The following RBM20 variants were observed in gnomAD, a reference collection of about 807,000 sequenced individuals.
RBM20 encodes RNA binding motif protein 20.
In RBM20, 51 loss-of-function variants were observed where a neutral mutation model predicts 110.1. The observed-to-expected ratio is 0.46, with a 90% CI of 0.37 to 0.59. The LOEUF is 0.59. Ranked by LOEUF, RBM20 falls within the 20% of genes least tolerant of loss-of-function variation. The pLI is 0.00. For synonymous variants in RBM20, 589 were observed against 618.2 expected, an observed-to-expected ratio of 0.95 and a Z score of 0.70; for missense variants, 1,512 against 1,574.9, an observed-to-expected ratio of 0.96 and a Z score of 0.68.
rs546662685 is a variant in RBM20, at chr10:110,652,572, G to A, written c.191+7927G>A. Among the ~76,000 whole-genome samples, 4 of 152,296 alleles carry A rather than the reference G, an allele frequency of 2.6e-5. No homozygotes were observed. The East Asian group carries it at 7.7e-4, about 29-fold the overall frequency. The stretch of plus-strand genomic sequence containing the variant: ...GGTATTGCACTGTCTTGAAGACTGA[G>A]CTGCCCTTTAGCATCTTACATTTTA... On this transcript the variant is annotated intron_variant, in intron 1 of 13. Coordinates refer to ENST00000369519, the MANE Select transcript of RBM20 (RefSeq NM_001134363.3).
intron 1 of RBM20, among the ~76,000 whole-genome samples, chr10:110,721,872 G>A (rs1311142028): frequency 6.6e-6 from 1 of 152,120 alleles, no homozygotes; most frequent in Non-Finnish European, 1.5e-5. Context: ...TGCAGAGCAG[G>A]CAGTCTCTGG....
intron 12 of RBM20, among the ~76,000 whole-genome samples, chr10:110,830,398 G>A (rs182888996): frequency 6.6e-6 from 1 of 152,166 alleles, no homozygotes; most frequent in Non-Finnish European, 1.5e-5. Flanking sequence ...GCTAATTGAT[G>A]GTTCGGATGT....
intron 5 of RBM20, among the ~76,000 whole-genome samples, chr10:110,795,739 T>C (rs1307984818): frequency 2.0e-5 from 3 of 152,210 alleles, no homozygotes; most frequent in African/African-American, 7.2e-5. Context: ...TATCCTTCTC[T>C]TCCACATTGG....
chr10:110,833,092 T>G (rs1280942688), intron 13 of RBM20, among the ~76,000 whole-genome samples: 1 of 152,090 alleles, frequency 6.6e-6, no homozygotes, highest in Non-Finnish European at 1.5e-5. Context: ...GGCATCTTTT[T>G]GAAATGCAGC....
At chr10:110,770,626 A>G (rs143785967) in intron 1 of RBM20, among the ~76,000 whole-genome samples, 9 of 152,358 alleles carry the variant, frequency 5.9e-5, no homozygotes, top group East Asian at 5.8e-4. Flanking sequence ...GTCTAGGTTA[A>G]TTGTCAGGCA....
intron 1 of RBM20, among the ~76,000 whole-genome samples, chr10:110,678,212 CACAAA>C (rs1215394629): frequency 2.6e-5 from 4 of 152,154 alleles, no homozygotes; most frequent in Non-Finnish European, 4.4e-5. Flanking sequence ...AGTTTATCCA[CACAAA>C]ACAAATCCCT....
At chr10:110,800,985 A>G (rs141695542) in intron 7 of RBM20, among the ~76,000 whole-genome samples, 1 of 152,326 alleles carries the variant, frequency 6.6e-6, no homozygotes, top group African/African-American at 2.4e-5. Context: ...TCATCCTGGT[A>G]TATATGCACT....
At chr10:110,647,948 A>G (rs986001840) in intron 1 of RBM20, among the ~76,000 whole-genome samples, 1 of 152,212 alleles carries the variant, frequency 6.6e-6, no homozygotes, top group Admixed American at 6.5e-5. Context: ...CCATGGAGGA[A>G]AGAAACCAAA....
intron 1 of RBM20, among the ~76,000 whole-genome samples, chr10:110,679,670 C>T (rs1862393872): frequency 1.3e-5 from 2 of 152,196 alleles, no homozygotes; most frequent in South Asian, 2.1e-4. Flanking sequence ...AAGGGCTTTG[C>T]GAGCCCCTGG....
chr10:110,664,397 G>A (rs1440199246), intron 1 of RBM20, among the ~76,000 whole-genome samples: 4 of 152,172 alleles, frequency 2.6e-5, no homozygotes, highest in Non-Finnish European at 5.9e-5. Flanking sequence ...AATAACTATA[G>A]TGGATTTACA....
intron 1 of RBM20, among the ~76,000 whole-genome samples, chr10:110,715,524 A>C (rs1038397686): frequency 2.0e-5 from 3 of 152,234 alleles, no homozygotes; most frequent in African/African-American, 7.2e-5. Context: ...CCACTAGACT[A>C]AAGTCTTTTT....
At chr10:110,655,147 A>G (rs1009304077) in intron 1 of RBM20, among the ~76,000 whole-genome samples, 2 of 152,212 alleles carry the variant, frequency 1.3e-5, no homozygotes, top group Admixed American at 6.5e-5. Flanking sequence ...TAATTTATAG[A>G]AAATCCATCA....
At chr10:110,732,530 G>C (rs10509929) in intron 1 of RBM20, among the ~76,000 whole-genome samples, 22,663 of 152,090 alleles carry the variant, frequency 0.15, 2,205 homozygotes, top group East Asian at 0.27. Context: ...CCAGCAGTTA[G>C]GGTTCATTCT....
At chr10:110,741,863 C>T (rs568383393) in intron 1 of RBM20, among the ~76,000 whole-genome samples, 1 of 152,260 alleles carries the variant, frequency 6.6e-6, no homozygotes, top group South Asian at 2.1e-4. Context: ...CAGGATCCTG[C>T]TCCTCTAGAA....
At chr10:110,808,176 C>A (rs912840106) in intron 7 of RBM20, among the ~76,000 whole-genome samples, 5 of 152,256 alleles carry the variant, frequency 3.3e-5, no homozygotes, top group African/African-American at 7.2e-5. Flanking sequence ...GTGCAGTCAG[C>A]TCCAAGTGAG....
In RBM20 at chr10:110,702,101, C is replaced by T. The variant is rs535288870; in HGVS notation, c.191+57456C>T. On this transcript the variant is annotated intron_variant, in intron 1 of 13. Transcript: ENST00000369519. ...CTCACCTTCCCTCTGAAATGTGCTC[C>T]CCAATGTGCCCACCTCTTCTTTCTG... Among the ~76,000 whole-genome samples the T allele has an allele frequency of 4.0e-5, 6 of 148,470 alleles. No individual in the cohort carries two copies. In the South Asian group the frequency reaches 1.3e-3, roughly 33 times the overall value.
intron 5 of RBM20, among the ~76,000 whole-genome samples, chr10:110,796,313 G>A (rs375131365): frequency 2.2e-4 from 33 of 152,172 alleles, no homozygotes; most frequent in Middle Eastern, 6.8e-3. Flanking sequence ...TTAAACATAC[G>A]GAACAGTAGA....
intron 1 of RBM20, among the ~76,000 whole-genome samples, chr10:110,703,097 A>G (rs1334434207): frequency 6.6e-6 from 1 of 151,002 alleles, no homozygotes; most frequent in African/African-American, 2.4e-5. Flanking sequence ...AATTTAGGCC[A>G]GGTATGGTGG....
chr10:110,707,839 C>T (rs942492052), intron 1 of RBM20, among the ~76,000 whole-genome samples: 2 of 152,022 alleles, frequency 1.3e-5, no homozygotes, highest in Admixed American at 6.5e-5. Context: ...TGGATAGTGC[C>T]GCGGGATGAC....
Sources: allele counts gnomAD v4.1 joint callset (sites outside exome capture counted in the v4.1 genomes callset), GRCh38; gene constraint gnomAD v4.1.1; transcripts MANE v1.5; gene names NCBI Gene and HGNC (gene_info 2026-07-23, HGNC 2026-07-21).